Variants in PCDHGA7 observed in about 807,000 individuals in gnomAD.
PCDHGA7 encodes the protein protocadherin gamma-A7.
In PCDHGA7, 44 loss-of-function variants were observed where a neutral mutation model predicts 58.3. The ratio of observed to expected loss-of-function variants is 0.75; its 90% CI spans 0.59 to 0.97. PCDHGA7 has a LOEUF of 0.97. Among genes scored for constraint, PCDHGA7 ranks in the 50% least tolerant of loss-of-function variants. The pLI, the probability that PCDHGA7 is intolerant of heterozygous loss-of-function variation, is 0.00. For missense variants in PCDHGA7, 1,266 were observed against 1,188.7 expected, an observed-to-expected ratio of 1.06 and a Z score of -0.96; for synonymous variants, 516 against 504.2, an observed-to-expected ratio of 1.02 and a Z score of -0.31.
intron 1 of PCDHGA7, among the ~76,000 whole-genome samples, chr5:141,472,980 C>CAAAAA (rs60579131): frequency 1.7e-4 from 15 of 86,092 alleles, no homozygotes; most frequent in East Asian, 4.1e-4. Context: ...GAGTGAAACT[C>CAAAAA]AAAAAAAAAA....
intron 1 of PCDHGA7, chr5:141,389,322 G>A: frequency 6.2e-7 from 1 of 1,613,984 alleles, no homozygotes; most frequent in East Asian, 2.2e-5. Flanking sequence ...TCCGGACTTG[G>A]GGCCCAACGG....
intron 1 of PCDHGA7, chr5:141,405,168 A>G: frequency 1.2e-6 from 2 of 1,613,960 alleles, no homozygotes. Flanking sequence ...CCCACCTCAC[A>G]CTTTGTGGGT....
Position 141,485,244 on chromosome 5 carries a change from T to G in PCDHGA7, c.2425-9563T>G. 5 of 1,614,168 alleles carry G rather than the reference T, an allele frequency of 3.1e-6. No individual in the cohort carries two copies. Among genetic ancestry groups the G allele is most frequent in the Non-Finnish European group, 4.2e-6 (5 of 1,180,006 alleles). On this transcript the variant is annotated intron_variant, in intron 1 of 3. Transcript: ENST00000518325. This position sits in a 1 kb window ranked among gnomAD's most constrained non-coding sequence, Gnocchi z 5.7. Reference sequence around the variant, plus strand: ...ACCCTTTTGTTCCTCTTTTACCACCTGGGTTACGTTTGTGGGCAGATCCGC... The same window carrying G: ...ACCCTTTTGTTCCTCTTTTACCACCGGGGTTACGTTTGTGGGCAGATCCGC...
chr5:141,430,235 G>T (rs1020445956), intron 1 of PCDHGA7, among the ~76,000 whole-genome samples: 3 of 128,670 alleles, frequency 2.3e-5, no homozygotes, highest in Non-Finnish European at 4.7e-5. Context: ...GTCAAAAAGA[G>T]AAACTCCTAG....
At chr5:141,390,432 C>A in intron 1 of PCDHGA7, 2 of 985,350 alleles carry the variant, frequency 2.0e-6, no homozygotes, top group Admixed American at 2.8e-5. Context: ...GCTGTCATAT[C>A]ATTCTACAAA....
At chr5:141,427,951 A>G in intron 1 of PCDHGA7, 1 of 1,586,612 alleles carries the variant, frequency 6.3e-7, no homozygotes, top group Non-Finnish European at 8.6e-7. Flanking sequence ...CTCAATGACA[A>G]TGTGCCGCGG....
intron 1 of PCDHGA7, chr5:141,427,261 C>A (rs903526432): frequency 1.5e-5 from 7 of 456,556 alleles, no homozygotes; most frequent in African/African-American, 4.0e-5. Flanking sequence ...GGAGGCATGA[C>A]CAGCGAATGT....
At chr5:141,472,412 G>C (rs1283620276) in intron 1 of PCDHGA7, among the ~76,000 whole-genome samples, 1 of 152,058 alleles carries the variant, frequency 6.6e-6, no homozygotes, top group Non-Finnish European at 1.5e-5. Context: ...GTGGTGGCAC[G>C]CACCTGTATC....
intron 1 of PCDHGA7, chr5:141,409,534 C>A (rs774144232): frequency 3.1e-6 from 5 of 1,613,986 alleles, no homozygotes; most frequent in Non-Finnish European, 4.2e-6. Flanking sequence ...ATGTCGCTGA[C>A]ATCAACGACA....
intron 1 of PCDHGA7, chr5:141,426,347 T>C (rs977411941): frequency 5.2e-6 from 1 of 193,980 alleles, no homozygotes; most frequent in African/African-American, 2.3e-5. Context: ...TTCCCTTTCC[T>C]GCTGCCTTTG....
chr5:141,423,636 C>A, intron 1 of PCDHGA7: 1 of 1,598,388 alleles, frequency 6.3e-7, no homozygotes, highest in Non-Finnish European at 8.5e-7. Context: ...TCATTTTAGG[C>A]AAATGTGACC....
chr5:141,430,661 GCT>G, intron 1 of PCDHGA7: 1 of 1,159,744 alleles, frequency 8.6e-7, no homozygotes, highest in South Asian at 2.1e-5. Flanking sequence ...CAACGGAGGA[GCT>G]CTGACTTCCC....
At chr5:141,497,722 T>C (rs1395904793) in intron 2 of PCDHGA7, among the ~76,000 whole-genome samples, 1 of 152,030 alleles carries the variant, frequency 6.6e-6, no homozygotes, top group Non-Finnish European at 1.5e-5. Flanking sequence ...GTATTTTTAG[T>C]AGAGATGGGT....
chr5:141,432,035 G>C lies in PCDHGA7; in HGVS notation c.2424+46712G>C. 6 of 1,614,218 alleles carry C rather than the reference G, an allele frequency of 3.7e-6. No homozygotes were observed. Among genetic ancestry groups the C allele is most frequent in the Non-Finnish European group, 5.1e-6 (6 of 1,180,046 alleles). ...CTACAACATCACAGTGACCGCCACT[G>C]ACCGGGGAACCCCGCCCCTATCCAC... On this transcript the variant is annotated intron_variant, in intron 1 of 3. Coordinates refer to ENST00000518325, the MANE Select transcript of PCDHGA7 (RefSeq NM_018920.4). The surrounding 1 kb of genome is among the most constrained non-coding windows in gnomAD (Gnocchi z 6.0).
intron 1 of PCDHGA7, chr5:141,399,855 C>A (rs773247537): frequency 2.5e-6 from 4 of 1,612,892 alleles, no homozygotes; most frequent in Non-Finnish European, 2.5e-6. Context: ...TGGTGCCGCG[C>A]GCTGCAGAGC....
At position 141,476,499 on chromosome 5, in the gene PCDHGA7, T is replaced by A. The variant is rs763373223; in HGVS notation, c.2425-18308T>A. On this transcript the variant is annotated intron_variant, in intron 1 of 3. Coordinates refer to ENST00000518325, the MANE Select transcript of PCDHGA7 (RefSeq NM_018920.4). This position sits in a 1 kb window ranked among gnomAD's most constrained non-coding sequence, Gnocchi z 7.6. Reference sequence around the variant, plus strand: ...AGCGTGGAAGTGGTGATCCAGGACATCAACGACAACAATCCTGCTTTCCCT... The same window carrying A: ...AGCGTGGAAGTGGTGATCCAGGACAACAACGACAACAATCCTGCTTTCCCT... 3.1e-6 allele frequency: 5 copies of A among 1,613,992 alleles called. No individual in the cohort carries two copies. The South Asian group carries it at 5.5e-5, about 18-fold the overall frequency.
intron 1 of PCDHGA7, among the ~76,000 whole-genome samples, chr5:141,480,451 T>G (rs2099519323): frequency 6.6e-6 from 1 of 152,136 alleles, no homozygotes; most frequent in African/African-American, 2.4e-5. Flanking sequence ...ATAATTATTT[T>G]TATTAGTTCC....
intron 1 of PCDHGA7, among the ~76,000 whole-genome samples, chr5:141,447,123 T>G (rs1004463863): frequency 1.3e-5 from 2 of 152,160 alleles, no homozygotes; most frequent in Non-Finnish European, 2.9e-5. Flanking sequence ...CCATGGATTT[T>G]TTTGTTTGTT....
intron 3 of PCDHGA7, among the ~76,000 whole-genome samples, chr5:141,507,817 G>C (rs1038461861): frequency 3.3e-5 from 5 of 152,206 alleles, no homozygotes; most frequent in Non-Finnish European, 5.9e-5. Context: ...AACGGACCCT[G>C]GGGGTGGAGG....
Sources: gnomAD v4.1 joint callset for allele counts (sites outside exome capture counted in the v4.1 genomes callset) on GRCh38, gnomAD v4.1.1 for gene constraint, Gnocchi (gnomAD v3.1) non-coding constraint, MANE v1.5 for transcripts, NCBI Gene and HGNC (gene_info 2026-07-23, HGNC 2026-07-21) for gene names.